The following GPR39 variants were observed in gnomAD, a reference collection of about 807,000 sequenced individuals.
The protein encoded by GPR39 is zinc sensing receptor.
In GPR39, 23 loss-of-function variants were observed where a neutral mutation model predicts 18.4. The observed-to-expected ratio is 1.25, with a 90% CI of 0.90 to 1.77. The LOEUF (loss-of-function observed/expected upper bound fraction) is 1.77, where lower values mean the gene tolerates loss of function less well. GPR39 is among the 40% of genes most tolerant of loss of function. GPR39 has a pLI of 0.00. For synonymous variants in GPR39, 280 were observed against 257.9 expected (o/e 1.09, Z -0.82); for missense variants, 647 against 602.4 (o/e 1.07, Z -0.78).
intron 1 of GPR39, among the ~76,000 whole-genome samples, chr2:132,530,102 TA>T (rs1037747851): frequency 0.011 from 1,608 of 146,824 alleles, 20 homozygotes; most frequent in African/African-American, 0.03. Flanking sequence ...TTAAAAACCT[TA>T]AAAAAAAAAA....
intron 1 of GPR39, among the ~76,000 whole-genome samples, chr2:132,533,994 G>T (rs1311666347): frequency 6.6e-6 from 1 of 152,160 alleles, no homozygotes; most frequent in Admixed American, 6.5e-5. Context: ...TGACAGATGG[G>T]ATCTAATTAA....
chr2:132,548,793 C>T (rs1472083085), intron 1 of GPR39, among the ~76,000 whole-genome samples: 1 of 152,144 alleles, frequency 6.6e-6, no homozygotes, highest in Admixed American at 6.5e-5. Context: ...CCAAGAAATG[C>T]AACTTTTTGC....
intron 1 of GPR39, among the ~76,000 whole-genome samples, chr2:132,602,043 A>C (rs1416260512): frequency 6.0e-5 from 9 of 149,234 alleles, no homozygotes; most frequent in African/African-American, 9.9e-5. Flanking sequence ...AAAAAAAAAA[A>C]CCTTAAATTA....
At chr2:132,461,838 C>T (rs1224533517) in intron 1 of GPR39, among the ~76,000 whole-genome samples, 1 of 152,172 alleles carries the variant, frequency 6.6e-6, no homozygotes, top group Non-Finnish European at 1.5e-5. Context: ...AGTCACCTTG[C>T]TGTGCCGAGG....
chr2:132,551,278 TG>T (rs566660350), intron 1 of GPR39, among the ~76,000 whole-genome samples: 4 of 150,782 alleles, frequency 2.7e-5, no homozygotes, highest in Non-Finnish European at 5.9e-5. Context: ...TCCGTGTTAT[TG>T]GGGGAAAAAA....
intron 1 of GPR39, among the ~76,000 whole-genome samples, chr2:132,469,480 A>C (rs34075312): frequency 3.9e-5 from 6 of 152,152 alleles, no homozygotes; most frequent in Admixed American, 6.5e-5. Flanking sequence ...TCTGCAGGCC[A>C]TGTGTAATTG....
At chr2:132,532,139 A>T (rs564766877) in intron 1 of GPR39, among the ~76,000 whole-genome samples, 1 of 152,310 alleles carries the variant, frequency 6.6e-6, no homozygotes, top group South Asian at 2.1e-4. Flanking sequence ...TCAAATAGAC[A>T]CAATAAAAAA....
chr2:132,581,131 C>CAAA (rs1680615510), intron 1 of GPR39, among the ~76,000 whole-genome samples: 1 of 151,208 alleles, frequency 6.6e-6, no homozygotes, highest in Non-Finnish European at 1.5e-5. Context: ...TGAGGCAAAG[C>CAAA]AGTTTTTATG....
chr2:132,598,393 C>A (rs1680983242), intron 1 of GPR39, among the ~76,000 whole-genome samples: 1 of 145,242 alleles, frequency 6.9e-6, no homozygotes, highest in Admixed American at 6.9e-5. Flanking sequence ...TAATGATGCC[C>A]ATGTCCAAAG....
intron 1 of GPR39, among the ~76,000 whole-genome samples, chr2:132,570,833 C>T (rs1312061020): frequency 1.3e-5 from 2 of 152,104 alleles, no homozygotes; most frequent in Non-Finnish European, 2.9e-5. Context: ...TGCAGCACCC[C>T]CGTTGGTTCA....
chr2:132,486,509 G>C (rs993003536), intron 1 of GPR39, among the ~76,000 whole-genome samples: 3 of 152,220 alleles, frequency 2.0e-5, no homozygotes, highest in African/African-American at 7.2e-5. Flanking sequence ...TTCATCTACT[G>C]TCTTAGCTAG....
Position 132,515,247 on chromosome 2 carries a change from T to C in GPR39, c.856+97349T>C, listed in dbSNP as rs189719612. ...TAAGTCTCCTTCTAGTGACAACCTG[T>C]GGACAGTGGGTGAGAAAATGCAAGC... On this transcript the variant is annotated intron_variant, in intron 1 of 1. Coordinates refer to ENST00000329321, the MANE Select transcript of GPR39 (RefSeq NM_001508.3). 5.3e-5 allele frequency among the ~76,000 whole-genome samples: 8 copies of C among 152,288 alleles called. No individual in the cohort carries two copies. In the East Asian group the frequency reaches 1.5e-3, roughly 29 times the overall value.
intron 1 of GPR39, among the ~76,000 whole-genome samples, chr2:132,564,083 G>C (rs1680304662): frequency 6.6e-6 from 1 of 152,208 alleles, no homozygotes; most frequent in Admixed American, 6.5e-5. Flanking sequence ...ATTGTCATAA[G>C]CAGATGAGCA....
chr2:132,437,126 G>A (rs893690646), intron 1 of GPR39, among the ~76,000 whole-genome samples: 2 of 152,194 alleles, frequency 1.3e-5, no homozygotes, highest in African/African-American at 4.8e-5. Context: ...CACTGTGTTA[G>A]AGTTGCTTAA....
chr2:132,616,486 G>A (rs925607209), intron 1 of GPR39, among the ~76,000 whole-genome samples: 2 of 152,202 alleles, frequency 1.3e-5, no homozygotes, highest in African/African-American at 4.8e-5. Context: ...GGAAAAGAAT[G>A]CAGAGTGGAG....
intron 1 of GPR39, among the ~76,000 whole-genome samples, chr2:132,609,648 G>A (rs1049244635): frequency 1.3e-5 from 2 of 152,150 alleles, no homozygotes; most frequent in Non-Finnish European, 2.9e-5. Flanking sequence ...TGTGAGTTTA[G>A]CCATCCTTCC....
intron 1 of GPR39, among the ~76,000 whole-genome samples, chr2:132,521,344 A>G (rs867345510): frequency 6.6e-6 from 1 of 152,204 alleles, no homozygotes; most frequent in Non-Finnish European, 1.5e-5. Context: ...TGACTTTCCA[A>G]CATCTTCCTG....
intron 1 of GPR39, among the ~76,000 whole-genome samples, chr2:132,450,150 G>A (rs1485732330): frequency 1.3e-5 from 2 of 152,184 alleles, no homozygotes; most frequent in African/African-American, 4.8e-5. Flanking sequence ...GACCTGACGT[G>A]GCAGCTTCTA....
At chr2:132,628,950 C>T (rs1681601191) in intron 1 of GPR39, among the ~76,000 whole-genome samples, 2 of 152,164 alleles carry the variant, frequency 1.3e-5, no homozygotes, top group Admixed American at 6.5e-5. Context: ...CTCAGAGTGA[C>T]CCAGGCATGG....
Sources: allele counts gnomAD v4.1 joint callset (sites outside exome capture counted in the v4.1 genomes callset), GRCh38; gene constraint gnomAD v4.1.1; transcripts MANE v1.5; gene names NCBI Gene and HGNC (gene_info 2026-07-23, HGNC 2026-07-21).